Variants in RALYL observed in about 807,000 individuals in gnomAD.
RALYL encodes the protein RNA-binding Raly-like protein.
A neutral mutation model predicts 35.1 loss-of-function variants in RALYL; 29 were observed. The observed-to-expected ratio is 0.83, with a 90% confidence interval of 0.61 to 1.13. The LOEUF is 1.13. Ranked by LOEUF, RALYL falls within the 50% of genes most tolerant of loss-of-function variation. The pLI is 0.00. For synonymous variants in RALYL, 120 were observed against 127.6 expected (o/e 0.94, Z 0.40); for missense variants, 359 against 360.4 (o/e 1.00, Z 0.03).
intron 1 of RALYL, among the ~76,000 whole-genome samples, chr8:84,243,773 T>C (rs1828510065): frequency 6.6e-6 from 1 of 152,140 alleles, no homozygotes; most frequent in African/African-American, 2.4e-5. Flanking sequence ...AGAATACCCT[T>C]CTAGCTGGGC....
chr8:84,397,402 C>G (rs2131895216), intron 1 of RALYL, among the ~76,000 whole-genome samples: 1 of 152,180 alleles, frequency 6.6e-6, no homozygotes, highest in African/African-American at 2.4e-5. Flanking sequence ...GTAAAATGGC[C>G]TCTGTTGTGA....
At chr8:84,203,156 A>AATG in intron 1 of RALYL, among the ~76,000 whole-genome samples, 1 of 152,278 alleles carries the variant, frequency 6.6e-6, no homozygotes. Flanking sequence ...AGTGTTTGAT[A>AATG]ATGTGGAGCC....
At chr8:84,644,854 C>T (rs1211468802) in intron 2 of RALYL, among the ~76,000 whole-genome samples, 6 of 151,760 alleles carry the variant, frequency 4.0e-5, no homozygotes, top group Admixed American at 1.3e-4. Flanking sequence ...CAGGTTCAAG[C>T]GATTCTTGTG....
At chr8:84,427,303 T>C (rs549537398) in intron 1 of RALYL, among the ~76,000 whole-genome samples, 2 of 152,326 alleles carry the variant, frequency 1.3e-5, no homozygotes, top group East Asian at 1.9e-4. Flanking sequence ...TTCTCCACAC[T>C]GCTTCCATAT....
chr8:84,493,285 A>G (rs1335409935), intron 1 of RALYL, among the ~76,000 whole-genome samples: 1 of 152,116 alleles, frequency 6.6e-6, no homozygotes, highest in African/African-American at 2.4e-5. Flanking sequence ...AGTGGCATAT[A>G]TGTATCACAT....
At chr8:84,470,409 A>T (rs2052564118) in intron 1 of RALYL, among the ~76,000 whole-genome samples, 1 of 152,026 alleles carries the variant, frequency 6.6e-6, no homozygotes. Flanking sequence ...AATTAAAAAC[A>T]GGAGGTGGTT....
chr8:84,608,405 G>T (rs908720110), intron 2 of RALYL, among the ~76,000 whole-genome samples: 2 of 152,066 alleles, frequency 1.3e-5, no homozygotes, highest in African/African-American at 2.4e-5. Flanking sequence ...TTACCCTCTT[G>T]CTCCATTCCC....
intron 4 of RALYL, among the ~76,000 whole-genome samples, chr8:84,844,932 CACAGGAAGGGGA>C (rs1406478096): frequency 3.3e-5 from 5 of 151,194 alleles, no homozygotes; most frequent in Non-Finnish European, 5.9e-5. Flanking sequence ...AACACATGGA[CACAGGAAGGGGA>C]ACATCACACA....
intron 1 of RALYL, among the ~76,000 whole-genome samples, chr8:84,316,040 G>A (rs1843691578): frequency 6.6e-6 from 1 of 151,992 alleles, no homozygotes; most frequent in South Asian, 2.1e-4. Flanking sequence ...TCTTTACTTT[G>A]GGGTAAAAGT....
intron 1 of RALYL, among the ~76,000 whole-genome samples, chr8:84,371,357 G>A (rs1391402723): frequency 1.3e-5 from 2 of 151,732 alleles, no homozygotes; most frequent in African/African-American, 2.4e-5. Flanking sequence ...GACATTCTGC[G>A]TCTCTCACTC....
At chr8:84,846,040 C>T (rs1244401396) in intron 4 of RALYL, among the ~76,000 whole-genome samples, 1 of 152,064 alleles carries the variant, frequency 6.6e-6, no homozygotes, top group African/African-American at 2.4e-5. Flanking sequence ...TTACCGTAGC[C>T]TTGTAGTATA....
intron 5 of RALYL, among the ~76,000 whole-genome samples, chr8:84,860,493 A>T (rs577307522): frequency 6.6e-6 from 1 of 152,236 alleles, no homozygotes; most frequent in African/African-American, 2.4e-5. Context: ...TGTGAATTCA[A>T]CTTATAAATA....
At position 84,530,638 on chromosome 8, in the gene RALYL, A is replaced by G. The variant is rs1430217676; in HGVS notation, c.256+1061A>G. Among the ~76,000 whole-genome samples the G allele has an allele frequency of 2.6e-5, 4 of 152,152 alleles. No homozygotes were observed. The South Asian group carries it at 6.2e-4, about 24-fold the overall frequency. ...ATGGTTGTATCTCAGGGGCACTGAAATAACTCCCTAGTTGGTCCGCTTCTT... is the reference window on the plus strand; with the variant it reads ...ATGGTTGTATCTCAGGGGCACTGAAGTAACTCCCTAGTTGGTCCGCTTCTT... On this transcript the variant is annotated intron_variant, in intron 2 of 8. Transcript: ENST00000521268.
chr8:84,386,349 A>G (rs73298774), intron 1 of RALYL, among the ~76,000 whole-genome samples: 4,297 of 151,842 alleles, frequency 0.028, 198 homozygotes, highest in African/African-American at 0.098. Context: ...TACAAAGAAT[A>G]TTGTTTAATT....
intron 2 of RALYL, among the ~76,000 whole-genome samples, chr8:84,586,591 A>C (rs1443918188): frequency 6.6e-6 from 1 of 152,216 alleles, no homozygotes; most frequent in Non-Finnish European, 1.5e-5. Flanking sequence ...GATACTTAGG[A>C]TCCACAGAAG....
chr8:84,667,254 G>T (rs1484325602), intron 2 of RALYL, among the ~76,000 whole-genome samples: 1 of 151,690 alleles, frequency 6.6e-6, no homozygotes. Context: ...ATTCAGGTTC[G>T]AGTATGGGCT....
chr8:84,765,339 G>A (rs1006702877), intron 2 of RALYL, among the ~76,000 whole-genome samples: 2 of 152,160 alleles, frequency 1.3e-5, no homozygotes, highest in Non-Finnish European at 2.9e-5. Flanking sequence ...TAGGAGTCTG[G>A]TGCAGCTGCA....
intron 4 of RALYL, among the ~76,000 whole-genome samples, chr8:84,817,539 T>G (rs1450935003): frequency 2.7e-5 from 4 of 149,260 alleles, no homozygotes; most frequent in African/African-American, 7.4e-5. Context: ...CTTTTATTAT[T>G]ATTATTATTA....
At chr8:84,298,355 C>T (rs2132323722) in intron 1 of RALYL, among the ~76,000 whole-genome samples, 1 of 151,920 alleles carries the variant, frequency 6.6e-6, no homozygotes, top group East Asian at 1.9e-4. Flanking sequence ...GGTGTGTGAC[C>T]TTATTTCTGC....
Sources: gnomAD v4.1 joint callset for allele counts (sites outside exome capture counted in the v4.1 genomes callset) on GRCh38, gnomAD v4.1.1 for gene constraint, MANE v1.5 for transcripts, NCBI Gene and HGNC (gene_info 2026-07-23, HGNC 2026-07-21) for gene names.